The following ERBB4 variants were observed in gnomAD, a reference collection of about 807,000 sequenced individuals.
ERBB4 encodes the protein erb-b2 receptor tyrosine kinase 4, also known as receptor tyrosine-protein kinase erbB-4.
A neutral mutation model predicts 158.0 loss-of-function variants in ERBB4; 42 were observed. That is an observed-to-expected ratio of 0.27 (90% CI 0.21 to 0.34). The LOEUF is 0.34. Ranked by LOEUF, ERBB4 falls within the 10% of genes least tolerant of loss-of-function variation. ERBB4 has a pLI of 1.00. For missense variants in ERBB4, 1,333 were observed against 1,624.1 expected (o/e 0.82, Z 3.08); for synonymous variants, 583 against 558.7 (o/e 1.04, Z -0.61).
intron 1 of ERBB4, among the ~76,000 whole-genome samples, chr2:212,454,300 T>C (rs1345407025): frequency 6.6e-6 from 1 of 152,200 alleles, no homozygotes; most frequent in Non-Finnish European, 1.5e-5. Flanking sequence ...ATTTGTCTTC[T>C]TTTCCACTGA....
chr2:211,940,750 G>C (rs2080471422), intron 3 of ERBB4, among the ~76,000 whole-genome samples: 1 of 152,074 alleles, frequency 6.6e-6, no homozygotes, highest in Non-Finnish European at 1.5e-5. Context: ...TCTATTCCCT[G>C]AACGCCCAAC....
At chr2:212,308,349 A>G (rs1248654105) in intron 1 of ERBB4, among the ~76,000 whole-genome samples, 1 of 151,150 alleles carries the variant, frequency 6.6e-6, no homozygotes, top group Non-Finnish European at 1.5e-5. Context: ...TCCTGAATGT[A>G]TAACACTTCA....
At position 211,415,909 on chromosome 2, in the gene ERBB4, A is replaced by C. The variant is rs77695617; in HGVS notation, c.3135+4532T>G. On this transcript the variant is annotated intron_variant, in intron 25 of 27. Coordinates refer to ENST00000342788, the MANE Select transcript of ERBB4 (RefSeq NM_005235.3). ...AAAATGCAAATAAATCTATTTAATA[A>C]AGTTACTTCTTAGCAGATAGAAAAG... is the stretch of plus-strand genomic sequence containing the variant. Among the ~76,000 whole-genome samples, 444 of 152,324 alleles carry C rather than the reference A, an allele frequency of 2.9e-3. 4 individuals carry two copies. Among genetic ancestry groups the C allele is most frequent in the African/African-American group, 0.01 (422 of 41,584 alleles).
intron 1 of ERBB4, among the ~76,000 whole-genome samples, chr2:212,484,119 T>A (rs559004833): frequency 1.9e-4 from 29 of 152,320 alleles, no homozygotes; most frequent in Admixed American, 1.5e-3. Flanking sequence ...ATATGCTGTA[T>A]TTCAATGAAA....
intron 1 of ERBB4, among the ~76,000 whole-genome samples, chr2:212,401,764 G>A (rs1229891443): frequency 6.6e-6 from 1 of 151,890 alleles, no homozygotes; most frequent in Non-Finnish European, 1.5e-5. Flanking sequence ...CTGTGGTTTA[G>A]AGTATAGAGT....
intron 2 of ERBB4, among the ~76,000 whole-genome samples, chr2:212,121,933 G>C (rs989393104): frequency 4.6e-5 from 7 of 151,840 alleles, no homozygotes; most frequent in Non-Finnish European, 1.0e-4. Context: ...AACTTTTCCT[G>C]AATCCTTTAG....
chr2:212,474,817 CCA>C (rs1689293653), intron 1 of ERBB4, among the ~76,000 whole-genome samples: 1 of 85,854 alleles, frequency 1.2e-5, no homozygotes, highest in Non-Finnish European at 2.3e-5. Context: ...TGACACCCGG[CCA>C]TTCTTTTTTT....
chr2:212,108,437 G>T (rs1248068519), intron 2 of ERBB4, among the ~76,000 whole-genome samples: 1 of 152,168 alleles, frequency 6.6e-6, no homozygotes, highest in East Asian at 1.9e-4. Flanking sequence ...AGACTAATAA[G>T]TGATAAGCAC....
At chr2:211,911,541 C>A (rs369722069) in intron 3 of ERBB4, among the ~76,000 whole-genome samples, 7 of 152,286 alleles carry the variant, frequency 4.6e-5, no homozygotes, top group Middle Eastern at 3.4e-3. Context: ...ATTAGGATTA[C>A]AGGAGTGAGC....
chr2:211,545,207 AT>A (rs1168335473), intron 20 of ERBB4, among the ~76,000 whole-genome samples: 1 of 151,928 alleles, frequency 6.6e-6, no homozygotes, highest in Non-Finnish European at 1.5e-5. Context: ...GACGCTTAAC[AT>A]TTTTTTTAAA....
At chr2:211,765,009 G>A (rs969244659) in intron 4 of ERBB4, among the ~76,000 whole-genome samples, 11 of 152,096 alleles carry the variant, frequency 7.2e-5, no homozygotes, top group South Asian at 2.1e-4. Flanking sequence ...ATAAATGAGC[G>A]GTTTAGTCAA....
rs6715489 is a variant in ERBB4 at position 211,462,468 on chromosome 2, G to A, written c.2488-31368C>T. On this transcript the variant is annotated intron_variant, in intron 20 of 27. Transcript: ENST00000342788. ...AGTCTCAAGGCCAGTTTCAATAAGTGAGCGAGAGTTACCTGTGACAATGAA... is the reference window on the plus strand; with the variant it reads ...AGTCTCAAGGCCAGTTTCAATAAGTAAGCGAGAGTTACCTGTGACAATGAA... Among the ~76,000 whole-genome samples the A allele has an allele frequency of 6.9e-3, 1,048 of 152,232 alleles. 13 individuals are homozygous for A. The highest frequency in any genetic ancestry group is 0.023 in the African/African-American group (973 of 41,540).
chr2:211,723,745 C>T (rs2074176868), intron 6 of ERBB4, among the ~76,000 whole-genome samples: 1 of 152,108 alleles, frequency 6.6e-6, no homozygotes, highest in African/African-American at 2.4e-5. Context: ...ATATTTTATG[C>T]AATGCTGTAC....
intron 1 of ERBB4, among the ~76,000 whole-genome samples, chr2:212,326,267 A>G (rs923040634): frequency 6.6e-6 from 1 of 150,814 alleles, no homozygotes; most frequent in Non-Finnish European, 1.5e-5. Flanking sequence ...TTATCATCCT[A>G]TATTATTTAT....
At chr2:211,582,872 T>C (rs1386956353) in intron 19 of ERBB4, among the ~76,000 whole-genome samples, 2 of 152,154 alleles carry the variant, frequency 1.3e-5, no homozygotes, top group African/African-American at 2.4e-5. Flanking sequence ...CAAACCAATT[T>C]CAGTGATTTT....
At chr2:212,078,026 AAAGT>A (rs2078324503) in intron 2 of ERBB4, among the ~76,000 whole-genome samples, 1 of 152,092 alleles carries the variant, frequency 6.6e-6, no homozygotes, top group South Asian at 2.1e-4. Flanking sequence ...AGAAGGAAAG[AAAGT>A]AATTCCAAAG....
At chr2:211,388,784 G>A (rs28585490) in intron 25 of ERBB4, among the ~76,000 whole-genome samples, 4,870 of 152,182 alleles carry the variant, frequency 0.032, 248 homozygotes, top group African/African-American at 0.11. Flanking sequence ...AATAAAAGAT[G>A]AAGGACAGTG....
At chr2:212,124,628 C>T in intron 2 of ERBB4, 124 bp downstream of exon 2, 1 of 1,077,284 alleles carries the variant, frequency 9.3e-7, no homozygotes. Flanking sequence ...TATCTTTTGC[C>T]TATAGTCACA....
At chr2:211,613,724 C>A (rs1313999274) in intron 19 of ERBB4, among the ~76,000 whole-genome samples, 1 of 151,932 alleles carries the variant, frequency 6.6e-6, no homozygotes, top group Non-Finnish European at 1.5e-5. Context: ...GGATATCTCA[C>A]CCCAGTTAAA....
Sources: gnomAD v4.1 joint callset for allele counts (sites outside exome capture counted in the v4.1 genomes callset) on GRCh38, gnomAD v4.1.1 for gene constraint, MANE v1.5 for transcripts, NCBI Gene and HGNC (gene_info 2026-07-23, HGNC 2026-07-21) for gene names.